Variants in HS6ST3 observed in about 807,000 individuals in gnomAD.
HS6ST3 encodes the protein heparan sulfate 6-O-sulfotransferase 3, also known as heparan-sulfate 6-O-sulfotransferase 3.
HS6ST3 carries 12 observed loss-of-function variants against 36.7 expected under a neutral mutation model. That is an observed-to-expected ratio of 0.33 (90% CI 0.21 to 0.53). The LOEUF is 0.53. HS6ST3 is among the 20% of genes least tolerant of loss of function. HS6ST3 has a pLI of 0.95. For synonymous variants in HS6ST3, 240 were observed against 257.5 expected (o/e 0.93, Z 0.65); for missense variants, 584 against 640.9 (o/e 0.91, Z 0.96).
chr13:96,383,776 G>A (rs935973962), intron 1 of HS6ST3, among the ~76,000 whole-genome samples: 1 of 152,230 alleles, frequency 6.6e-6, no homozygotes, highest in Non-Finnish European at 1.5e-5. Context: ...GGAAGCACAA[G>A]GTGGTGGGGA....
At chr13:96,231,916 A>G (rs545331323) in intron 1 of HS6ST3, among the ~76,000 whole-genome samples, 11 of 152,280 alleles carry the variant, frequency 7.2e-5, no homozygotes, top group South Asian at 4.2e-4. Flanking sequence ...ATTGTTCCCT[A>G]TGATGTTGGA....
intron 1 of HS6ST3, among the ~76,000 whole-genome samples, chr13:96,312,393 T>C (rs1227986875): frequency 6.6e-6 from 1 of 152,202 alleles, no homozygotes; most frequent in Non-Finnish European, 1.5e-5. Context: ...GTGAATGTGA[T>C]ATGTCTATAT....
At chr13:96,758,202 CT>C (rs2138497842) in intron 1 of HS6ST3, among the ~76,000 whole-genome samples, 1 of 151,912 alleles carries the variant, frequency 6.6e-6, no homozygotes, top group East Asian at 1.9e-4. Flanking sequence ...TCTATTTCAT[CT>C]AAGTTGTCAA....
At position 96,714,305 on chromosome 13, in the gene HS6ST3, CA is replaced by C. The variant is rs951201716; in HGVS notation, c.708-118176del. On this transcript the variant is annotated intron_variant, in intron 1 of 1. Transcript: ENST00000376705. ...ACGGATAACTTCTACATATTTATTACAAAAAAAAACACAATTGAAAAATGGG... is the reference window on the plus strand; with the variant it reads ...ACGGATAACTTCTACATATTTATTACAAAAAAAACACAATTGAAAAATGGG... Among the ~76,000 whole-genome samples, 208 of 148,490 alleles carry C rather than the reference CA, an allele frequency of 1.4e-3. 1 individual carries two copies. Among genetic ancestry groups the C allele is most frequent in the African/African-American group, 4.6e-3 (185 of 40,322 alleles).
At chr13:96,181,612 G>T (rs1170978033) in intron 1 of HS6ST3, among the ~76,000 whole-genome samples, 1 of 152,156 alleles carries the variant, frequency 6.6e-6, no homozygotes, top group African/African-American at 2.4e-5. Context: ...CTCTGTCTTA[G>T]AGGTGCGCAG....
chr13:96,270,581 C>A (rs1460192394), intron 1 of HS6ST3, among the ~76,000 whole-genome samples: 2 of 151,084 alleles, frequency 1.3e-5, no homozygotes, highest in African/African-American at 2.5e-5. Context: ...TATGAGGATT[C>A]ATTCAGTCAC....
rs529346979 is a variant in HS6ST3 at position 96,284,168 on chromosome 13, A to G, written c.707+192599A>G. ...GTGATAGGGAACCAAATTTTTCCCC[A>G]TTGATGTTTTGGTTGTGTATGAGTC... is the stretch of plus-strand genomic sequence containing the variant. On this transcript the variant is annotated intron_variant, in intron 1 of 1. Coordinates refer to ENST00000376705, the MANE Select transcript of HS6ST3 (RefSeq NM_153456.4). Among the ~76,000 whole-genome samples the G allele has an allele frequency of 7.0e-4, 106 of 152,208 alleles. 1 individual carries two copies. The highest frequency in any genetic ancestry group is 1.2e-3 in the Non-Finnish European group (79 of 68,016).
At chr13:96,258,047 T>G (rs1225543528) in intron 1 of HS6ST3, among the ~76,000 whole-genome samples, 1 of 152,230 alleles carries the variant, frequency 6.6e-6, no homozygotes, top group African/African-American at 2.4e-5. Context: ...TCATAAAATA[T>G]TAAATTCCAC....
At chr13:96,424,984 A>G (rs2055579453) in intron 1 of HS6ST3, among the ~76,000 whole-genome samples, 1 of 152,256 alleles carries the variant, frequency 6.6e-6, no homozygotes, top group Admixed American at 6.5e-5. Flanking sequence ...TGAATATTGT[A>G]GCAGATTTTT....
In HS6ST3 at chr13:96,833,303, G is replaced by A; in HGVS notation, c.*105G>A. ...AGCCATTCTGAGGACATCTGGCTGT[G>A]TGTGCTTGATTTGGACATCTTCTTC... On this transcript the variant is annotated 3_prime_UTR_variant, in exon 2 of 2. Transcript: ENST00000376705. 1 of 818,506 alleles carries A rather than the reference G, an allele frequency of 1.2e-6. No homozygotes were observed. The highest frequency in any genetic ancestry group is 1.9e-6 in the Non-Finnish European group (1 of 539,512). 50.7% of individuals were successfully genotyped at this position (818,506 alleles called of 1,614,324 possible). A position where few individuals can be genotyped will look rare whatever the true frequency, so the allele number is the denominator to read the frequency against.
chr13:96,410,438 A>G (rs183098636), intron 1 of HS6ST3, among the ~76,000 whole-genome samples: 8 of 152,308 alleles, frequency 5.3e-5, no homozygotes, highest in Non-Finnish European at 4.4e-5. Flanking sequence ...CCATAATGAG[A>G]TATCTTATAT....
chr13:96,716,643 A>G (rs890419382), intron 1 of HS6ST3, among the ~76,000 whole-genome samples: 6 of 151,658 alleles, frequency 4.0e-5, no homozygotes, highest in East Asian at 3.9e-4. Context: ...CATTTAATCA[A>G]TCATCATCTA....
chr13:96,358,282 G>A (rs997273076), intron 1 of HS6ST3, among the ~76,000 whole-genome samples: 4 of 152,118 alleles, frequency 2.6e-5, no homozygotes, highest in Non-Finnish European at 5.9e-5. Context: ...AGGTGGTGGG[G>A]CATACTATCT....
At chr13:96,346,443 A>C (rs531614993) in intron 1 of HS6ST3, among the ~76,000 whole-genome samples, 1 of 151,948 alleles carries the variant, frequency 6.6e-6, no homozygotes, top group Admixed American at 6.6e-5. Context: ...GCGTGGTGGC[A>C]GGTGCCTGTA....
chr13:96,675,411 A>G (rs2056695958), intron 1 of HS6ST3, among the ~76,000 whole-genome samples: 1 of 152,030 alleles, frequency 6.6e-6, no homozygotes, highest in South Asian at 2.1e-4. Context: ...TTGTTTATAT[A>G]TGTGTGTTTG....
intron 1 of HS6ST3, among the ~76,000 whole-genome samples, chr13:96,541,025 T>C (rs530887352): frequency 1.9e-4 from 29 of 152,270 alleles, no homozygotes; most frequent in African/African-American, 6.7e-4. Flanking sequence ...ATTTGTTTAT[T>C]AATTTATTTT....
intron 1 of HS6ST3, among the ~76,000 whole-genome samples, chr13:96,201,536 A>T (rs900448320): frequency 1.3e-5 from 2 of 152,180 alleles, no homozygotes; most frequent in African/African-American, 4.8e-5. Flanking sequence ...ATTCCTGTTG[A>T]ATTGGATTCC....
intron 1 of HS6ST3, among the ~76,000 whole-genome samples, chr13:96,489,406 A>G (rs1010759171): frequency 8.6e-5 from 13 of 151,154 alleles, no homozygotes; most frequent in African/African-American, 3.2e-4. Context: ...ACACACACAT[A>G]TAGTTTTTTT....
In HS6ST3 at chr13:96,624,756, T is replaced by A. The variant is rs73558494; in HGVS notation, c.708-207734T>A. 1.7e-3 allele frequency among the ~76,000 whole-genome samples: 265 copies of A among 152,346 alleles called. 3 individuals are homozygous for A. Among genetic ancestry groups the A allele is most frequent in the African/African-American group, 6.3e-3 (262 of 41,580 alleles). ...TGTTTGCTCAGTTTTGTTTTTCAGA[T>A]TCACCCATGATGGTGTGTGTGGTTG... is the stretch of plus-strand genomic sequence containing the variant. On this transcript the variant is annotated intron_variant, in intron 1 of 1. Transcript: ENST00000376705.
Sources: gnomAD v4.1 joint callset for allele counts (sites outside exome capture counted in the v4.1 genomes callset) on GRCh38, gnomAD v4.1.1 for gene constraint, MANE v1.5 for transcripts, NCBI Gene and HGNC (gene_info 2026-07-23, HGNC 2026-07-21) for gene names.